Variants in JAK1 observed in about 807,000 individuals in gnomAD.
The protein encoded by JAK1 is tyrosine-protein kinase JAK1.
Under a neutral mutation model 136.6 loss-of-function variants are expected in JAK1, and 16 were observed. The observed-to-expected ratio is 0.12, with a 90% CI of 0.08 to 0.18. The LOEUF (loss-of-function observed/expected upper bound fraction) is 0.18. Ranked by LOEUF, JAK1 falls within the 10% of genes least tolerant of loss-of-function variation. The pLI is 1.00. For synonymous variants in JAK1, 492 were observed against 519.5 expected, an observed-to-expected ratio of 0.95 and a Z score of 0.72; for missense variants, 859 against 1,450.1, an observed-to-expected ratio of 0.59 and a Z score of 6.62.
chr1:65,052,861 C>CAA (rs35560095), intron 1 of JAK1, among the ~76,000 whole-genome samples: 9,395 of 88,392 alleles, frequency 0.11, 684 homozygotes, highest in African/African-American at 0.16. Context: ...GACTCCATCT[C>CAA]AAAAAAAAAA....
intron 1 of JAK1, among the ~76,000 whole-genome samples, chr1:64,955,336 C>T (rs1436926199): frequency 6.6e-6 from 1 of 152,080 alleles, no homozygotes; most frequent in African/African-American, 2.4e-5. Context: ...GTATACACAC[C>T]GCTTGTTGGG....
intron 2 of JAK1, chr1:64,992,430 G>A (rs573939950): frequency 9.9e-5 from 15 of 151,838 alleles, no homozygotes; most frequent in Admixed American, 3.9e-4. Context: ...ACCTGAAATA[G>A]CCAAAACAAT....
intron 1 of JAK1, among the ~76,000 whole-genome samples, chr1:64,906,208 T>C (rs1332001911): frequency 6.6e-6 from 1 of 151,782 alleles, no homozygotes; most frequent in African/African-American, 2.4e-5. Context: ...GCAGCAGAAT[T>C]GTTTGAACCT....
chr1:65,051,762 A>G (rs573690014), intron 1 of JAK1, among the ~76,000 whole-genome samples: 45 of 152,350 alleles, frequency 3.0e-4, no homozygotes, highest in African/African-American at 1.1e-3. Context: ...ACCTTTTAAC[A>G]TCATCAATCT....
At position 64,846,813 on chromosome 1, in the gene JAK1, A is replaced by T. The variant is rs1305623733; in HGVS notation, c.1900-77T>A. 9.9e-6 allele frequency: 11 copies of T among 1,111,440 alleles called. 1 individual carries two copies. In the Middle Eastern group the frequency reaches 5.9e-4, roughly 59 times the overall value. 68.8% of individuals were successfully genotyped at this position (1,111,440 alleles called of 1,614,324 possible). A position where few individuals can be genotyped will look rare whatever the true frequency, so the allele number is the denominator to read the frequency against. ...CTCCCCAGGGGCTCTGTTGAGGGGA[A>T]AGCCAGTGGACCCAGGAAAGCTCAC... On this transcript the variant is annotated intron_variant, in intron 13 of 24. Transcript: ENST00000342505.
At chr1:64,861,728 T>C (rs888814264) in intron 8 of JAK1, among the ~76,000 whole-genome samples, 1 of 152,078 alleles carries the variant, frequency 6.6e-6, no homozygotes, top group Non-Finnish European at 1.5e-5. Flanking sequence ...AGTGCAGCTG[T>C]AATGCCGAAG....
intron 1 of JAK1, among the ~76,000 whole-genome samples, chr1:64,943,622 T>C (rs1645928905): frequency 6.6e-6 from 1 of 151,876 alleles, no homozygotes; most frequent in Non-Finnish European, 1.5e-5. Flanking sequence ...AGTCTAAGAG[T>C]TAAATATTTG....
chr1:64,873,114 G>A (rs1657173498), intron 5 of JAK1, among the ~76,000 whole-genome samples: 1 of 152,168 alleles, frequency 6.6e-6, no homozygotes, highest in East Asian at 1.9e-4. Flanking sequence ...AAAATGGTAG[G>A]AGGTGGGGAA....
At chr1:64,940,320 C>CTTT (rs34933566) in intron 1 of JAK1, among the ~76,000 whole-genome samples, 7,440 of 140,358 alleles carry the variant, frequency 0.053, 329 homozygotes, top group South Asian at 0.077. Flanking sequence ...ATTTCAATTT[C>CTTT]TTTTTTTTTT....
chr1:64,878,446 A>G (rs567142679), intron 4 of JAK1, among the ~76,000 whole-genome samples: 2 of 152,142 alleles, frequency 1.3e-5, no homozygotes, highest in East Asian at 1.9e-4. Context: ...ACTCCCAGAG[A>G]GCAAGGCCAA....
intron 1 of JAK1, among the ~76,000 whole-genome samples, chr1:64,912,334 T>A (rs1209440597): frequency 6.6e-6 from 1 of 152,174 alleles, no homozygotes; most frequent in Non-Finnish European, 1.5e-5. Context: ...TTCTACTCTC[T>A]CCTTTGCAAC....
chr1:64,858,199 C>T (rs1237281112), intron 9 of JAK1, among the ~76,000 whole-genome samples: 1 of 152,198 alleles, frequency 6.6e-6, no homozygotes, highest in Admixed American at 6.5e-5. Context: ...TGTTGTATCA[C>T]CATGGGCTCA....
intron 1 of JAK1, among the ~76,000 whole-genome samples, chr1:64,928,788 A>AAAAAAAAC (rs1553170011): frequency 3.3e-5 from 3 of 90,642 alleles, no homozygotes; most frequent in East Asian, 7.3e-4. Context: ...CAAAAAAAAA[A>AAAAAAAAC]AAAAAAAACA....
In JAK1 at chr1:64,883,344, C is replaced by T. The variant is rs2101265169; in HGVS notation, c.138G>A (p.Glu46=). Residue 46 remains glutamate (E), a synonymous_variant, in exon 3 of 25, where the codon GAG becomes GAA. Transcript: ENST00000342505. ...VEVIFYLSDR[E]PLRLGSGEYT... The stretch of plus-strand genomic sequence containing the variant: ...ACTCTCCACTGCCCAGCCGGAGGGG[C>T]TCCCTGTCCGACAGATAGAAGATCA... The T allele has an allele frequency of 6.2e-7, 1 of 1,614,198 alleles. No homozygotes were observed. Among genetic ancestry groups the T allele is most frequent in the Non-Finnish European group, 8.5e-7 (1 of 1,180,020 alleles).
At chr1:64,910,259 G>A (rs985128243) in intron 1 of JAK1, among the ~76,000 whole-genome samples, 1 of 152,146 alleles carries the variant, frequency 6.6e-6, no homozygotes, top group Non-Finnish European at 1.5e-5. Context: ...AAGGCTAGTG[G>A]AAAGTTATTT....
chr1:64,884,859 C>A (rs1006941238), intron 2 of JAK1, among the ~76,000 whole-genome samples: 3 of 152,180 alleles, frequency 2.0e-5, no homozygotes, highest in Non-Finnish European at 4.4e-5. Flanking sequence ...TATGCACATG[C>A]TGTGAGTTCC....
chr1:65,001,387 C>T (rs2100749110), intron 2 of JAK1, among the ~76,000 whole-genome samples: 1 of 152,322 alleles, frequency 6.6e-6, no homozygotes, highest in South Asian at 2.1e-4. Flanking sequence ...GGGTCCCCCT[C>T]TCCCTGTGCG....
At chr1:64,931,936 G>C (rs1246807246) in intron 1 of JAK1, among the ~76,000 whole-genome samples, 1 of 151,016 alleles carries the variant, frequency 6.6e-6, no homozygotes, top group Non-Finnish European at 1.5e-5. Context: ...TTTTTAAATG[G>C]ATTTTGGCTC....
chr1:64,987,689 A>G (rs1200067534), intron 2 of JAK1: 1 of 152,232 alleles, frequency 6.6e-6, no homozygotes, highest in African/African-American at 2.4e-5. Flanking sequence ...AAGTTAATAG[A>G]TTAGTCAATT....
Sources: gnomAD v4.1 joint callset for allele counts (sites outside exome capture counted in the v4.1 genomes callset) on GRCh38, gnomAD v4.1.1 for gene constraint, MANE v1.5 for transcripts, NCBI Gene and HGNC (gene_info 2026-07-23, HGNC 2026-07-21) for gene names.